The following ZBTB49 variants were observed in gnomAD, a reference collection of about 807,000 sequenced individuals.
ZBTB49 encodes the protein zinc finger and BTB domain containing 49.
Under a neutral mutation model 57.5 loss-of-function variants are expected in ZBTB49, and 43 were observed. The ratio of observed to expected loss-of-function variants is 0.75; its 90% CI spans 0.59 to 0.97. The LOEUF (loss-of-function observed/expected upper bound fraction) is 0.97, where lower values mean the gene tolerates loss of function less well. ZBTB49 is among the 50% of genes least tolerant of loss of function. The pLI, the probability that ZBTB49 is intolerant of heterozygous loss-of-function variation, is 0.00. For missense variants in ZBTB49, 938 were observed against 947.7 expected (o/e 0.99, Z 0.13); for synonymous variants, 369 against 362.1 (o/e 1.02, Z -0.22).
chr4:4,317,329 T>A (rs1721231716), intron 7 of ZBTB49, among the ~76,000 whole-genome samples: 1 of 152,236 alleles, frequency 6.6e-6, no homozygotes, highest in Non-Finnish European at 1.5e-5. Flanking sequence ...TTTTAACAGC[T>A]TTGAGACAAT....
chr4:4,300,148 T>G, intron 2 of ZBTB49, 51 bp downstream of exon 2: 1 of 1,589,256 alleles, frequency 6.3e-7, no homozygotes, highest in Non-Finnish European at 8.6e-7. Context: ...GGTAAAGCTC[T>G]TTTAGTATGG....
rs1173869446 is a variant in ZBTB49 at position 4,297,679 on chromosome 4, T to C, written c.-19-2248T>C. 2.0e-5 allele frequency among the ~76,000 whole-genome samples: 3 copies of C among 149,660 alleles called. No individual in the cohort carries two copies. In the East Asian group the frequency reaches 5.9e-4, roughly 30 times the overall value. On this transcript the variant is annotated intron_variant, in intron 1 of 7. Coordinates refer to ENST00000337872, the MANE Select transcript of ZBTB49 (RefSeq NM_145291.4). ...CACATGCCTGTAGTCACAGTTGTGGTGGGAGGATCACCTGAGCCCAGGAGG... is the reference window on the plus strand; with the variant it reads ...CACATGCCTGTAGTCACAGTTGTGGCGGGAGGATCACCTGAGCCCAGGAGG...
intron 1 of ZBTB49, among the ~76,000 whole-genome samples, chr4:4,297,488 G>C: frequency 6.6e-6 from 1 of 152,280 alleles, no homozygotes; most frequent in South Asian, 2.1e-4. Context: ...ACCCAGAGCG[G>C]GTTAAGAATC....
At chr4:4,315,547 C>T in intron 5 of ZBTB49, 89 bp from the exon 6 acceptor site, 2 of 1,244,338 alleles carry the variant, frequency 1.6e-6, no homozygotes, top group Non-Finnish European at 2.3e-6. Flanking sequence ...GTGTCAGGAG[C>T]AGGTATCTCC....
chr4:4,295,293 A>G (rs1720140675), intron 1 of ZBTB49, among the ~76,000 whole-genome samples: 1 of 152,142 alleles, frequency 6.6e-6, no homozygotes, highest in South Asian at 2.1e-4. Flanking sequence ...AGCAGGGGAG[A>G]GAGAACCGGG....
chr4:4,296,778 G>A (rs181739839), intron 1 of ZBTB49, among the ~76,000 whole-genome samples: 12 of 152,288 alleles, frequency 7.9e-5, no homozygotes, highest in South Asian at 2.1e-4. Context: ...GGGCTTTGTC[G>A]TTACCCTGTT....
intron 3 of ZBTB49, among the ~76,000 whole-genome samples, chr4:4,304,790 A>G (rs1720666697): frequency 6.6e-6 from 1 of 152,206 alleles, no homozygotes; most frequent in Non-Finnish European, 1.5e-5. Context: ...TAGTCTGCCC[A>G]AAGCTACATG....
At chr4:4,311,419 T>C (rs1351932327) in intron 4 of ZBTB49, among the ~76,000 whole-genome samples, 3 of 152,220 alleles carry the variant, frequency 2.0e-5, no homozygotes, top group African/African-American at 7.2e-5. Flanking sequence ...TGGTGTATTA[T>C]TTTTAACTCT....
intron 3 of ZBTB49, among the ~76,000 whole-genome samples, chr4:4,304,338 G>A (rs1720648292): frequency 6.6e-6 from 1 of 150,658 alleles, no homozygotes. Flanking sequence ...TGATTCTCCT[G>A]CCTGAGCCTC....
rs141272395 is a variant in ZBTB49, at chr4:4,320,739, G to A, written c.1721G>A (p.Arg574His). The change falls in exon 8 of 8, where the codon CGC becomes CAC. Residue 574 changes from arginine (R) to histidine (H), a missense_variant. Physicochemically the swap from Arg to His is conservative, Grantham distance 29. Around this residue, in one of 3 missense-constraint regions of ZBTB49, gnomAD observed 835 missense variants for 819.1 expected, o/e 1.02. Coordinates refer to ENST00000337872, the MANE Select transcript of ZBTB49 (RefSeq NM_145291.4). Reference protein sequence around the residue: ...TCEICNKCFTRSAVLRRHKKM... With the variant: ...TCEICNKCFTHSAVLRRHKKM... ...GAGATCTGTAACAAGTGCTTTACCC[G>A]CTCTGCGGTGCTCCGGCGGCACAAG... is the stretch of plus-strand genomic sequence containing the variant. The A allele has an allele frequency of 6.2e-6, 10 of 1,614,072 alleles. No homozygotes were observed. The highest frequency in any genetic ancestry group is 1.3e-5 in the African/African-American group (1 of 74,918).
At position 4,313,076 on chromosome 4, in the gene ZBTB49, T is replaced by G; in HGVS notation, c.1338T>G (p.Ser446=). 1 of 1,614,274 alleles carries G rather than the reference T, an allele frequency of 6.2e-7. No homozygotes were observed. Among genetic ancestry groups the G allele is most frequent in the Non-Finnish European group, 8.5e-7 (1 of 1,180,048 alleles). The change falls in exon 5 of 8, where the codon TCT becomes TCG. Residue 446 remains serine, a synonymous_variant. Transcript: ENST00000337872. The part of the protein sequence containing the change: ...GNLQTHLRRH[S]GEKPYICEIC... ...TGCAGACTCACTTACGACGGCATTC[T>G]GGTGAAAAACCATACATCTGCGAGA...
At chr4:4,291,320 A>C (rs1358263999) in intron 1 of ZBTB49, among the ~76,000 whole-genome samples, 2 of 152,140 alleles carry the variant, frequency 1.3e-5, no homozygotes, top group Admixed American at 1.3e-4. Context: ...GTGTCCTCGC[A>C]TGGTCTTTCC....
chr4:4,312,178 C>CT (rs1295691551), intron 4 of ZBTB49, among the ~76,000 whole-genome samples: 7 of 150,964 alleles, frequency 4.6e-5, no homozygotes, highest in East Asian at 1.9e-4. Context: ...TTTTCTTTTT[C>CT]TTTTTTTTGC....
chr4:4,300,543 G>A (rs1226439688), intron 2 of ZBTB49, among the ~76,000 whole-genome samples: 1 of 151,322 alleles, frequency 6.6e-6, no homozygotes, highest in African/African-American at 2.4e-5. Flanking sequence ...TTTAGTTTTT[G>A]TTTCTCATTT....
chr4:4,297,993 C>T (rs541325597), intron 1 of ZBTB49, among the ~76,000 whole-genome samples: 1 of 152,200 alleles, frequency 6.6e-6, no homozygotes, highest in Non-Finnish European at 1.5e-5. Context: ...CAGAACAAAA[C>T]CCTGGGATGT....
At chr4:4,303,760 C>G (rs201994740) in intron 3 of ZBTB49, among the ~76,000 whole-genome samples, 43,613 of 121,612 alleles carry the variant, frequency 0.36, 7,888 homozygotes, top group East Asian at 0.55. Context: ...CTCTCTCTCT[C>G]TGTGTGTGTG....
At chr4:4,314,576 T>C (rs1468089087) in intron 5 of ZBTB49, among the ~76,000 whole-genome samples, 1 of 152,198 alleles carries the variant, frequency 6.6e-6, no homozygotes, top group African/African-American at 2.4e-5. Context: ...TTCGCCATGC[T>C]GGCCAGGCCA....
At chr4:4,307,042 C>A (rs1476015649) in intron 4 of ZBTB49, among the ~76,000 whole-genome samples, 1 of 152,250 alleles carries the variant, frequency 6.6e-6, no homozygotes, top group African/African-American at 2.4e-5. Context: ...CTTCCAGTTT[C>A]TCTTCATCTG....
chr4:4,303,760 C>CTCTCTCTCTCTGTGTGTG (rs1223289249), intron 3 of ZBTB49, among the ~76,000 whole-genome samples: 54 of 121,416 alleles, frequency 4.4e-4, no homozygotes, highest in South Asian at 8.1e-4. Context: ...CTCTCTCTCT[C>CTCTCTCTCTCTGTGTGTG]TGTGTGTGTG....
Sources: allele counts gnomAD v4.1 joint callset (sites outside exome capture counted in the v4.1 genomes callset), GRCh38; gene constraint gnomAD v4.1.1; regional missense constraint gnomAD v4.1.1; transcripts MANE v1.5; gene names NCBI Gene and HGNC (gene_info 2026-07-23, HGNC 2026-07-21).